Variants in CCDC62 observed in about 807,000 individuals in gnomAD.
CCDC62 encodes coiled-coil domain-containing protein 62.
A neutral mutation model predicts 80.8 loss-of-function variants in CCDC62; 72 were observed. That is an observed-to-expected ratio of 0.89 (90% CI 0.74 to 1.08). CCDC62 has a LOEUF of 1.08. Among genes scored for constraint, CCDC62 ranks in the 50% least tolerant of loss-of-function variants. The pLI is 0.00. For synonymous variants in CCDC62, 286 were observed against 296.5 expected (o/e 0.96, Z 0.36); for missense variants, 704 against 809.4 (o/e 0.87, Z 1.58).
chr12:122,819,923 A>T (rs1344370501), intron 11 of CCDC62, among the ~76,000 whole-genome samples: 2 of 151,774 alleles, frequency 1.3e-5, no homozygotes, highest in African/African-American at 4.8e-5. Flanking sequence ...TTAGCGGGGC[A>T]TGGTGGTGCA....
rs1239552965 is a variant in CCDC62, at chr12:122,787,463, AAAAG to A, written c.499-1292_499-1289del. On this transcript the variant is annotated intron_variant, in intron 4 of 12. Coordinates refer to ENST00000253079, the MANE Select transcript of CCDC62 (RefSeq NM_201435.5). ...AAGACTCTGTCTCAAAAAAAAAAAA[AAAAG>A]AAGGTCGGTCGTGGTGGCTCACACC... Among the ~76,000 whole-genome samples the A allele has an allele frequency of 4.6e-5, 7 of 151,854 alleles. No individual in the cohort carries two copies. The East Asian group carries it at 9.7e-4, about 21-fold the overall frequency.
Position 122,791,358 on chromosome 12 carries a change from C to T in CCDC62, c.671-662C>T, listed in dbSNP as rs1288654978. On this transcript the variant is annotated intron_variant, in intron 5 of 12. Coordinates refer to ENST00000253079, the MANE Select transcript of CCDC62 (RefSeq NM_201435.5). ...TTTACCAGGTTGGCCAGGCTGGTTT[C>T]GAACTCCTGACCTCAGGTGATCCAC... Among the ~76,000 whole-genome samples the T allele has an allele frequency of 4.6e-5, 7 of 151,740 alleles. No individual in the cohort carries two copies. In the East Asian group the frequency reaches 9.7e-4, roughly 21 times the overall value.
chr12:122,778,664 G>A (rs1879632090), intron 2 of CCDC62, among the ~76,000 whole-genome samples: 1 of 152,180 alleles, frequency 6.6e-6, no homozygotes, highest in African/African-American at 2.4e-5. Flanking sequence ...CGGATCACTT[G>A]AGGTCAGGAG....
intron 9 of CCDC62, among the ~76,000 whole-genome samples, chr12:122,802,381 G>A (rs2031362989): frequency 6.6e-6 from 1 of 150,572 alleles, no homozygotes; most frequent in Non-Finnish European, 1.5e-5. Context: ...AGACCAGCAT[G>A]GGCAATATAA....
chr12:122,784,709 C>T (rs939421010), intron 3 of CCDC62, among the ~76,000 whole-genome samples: 1 of 152,064 alleles, frequency 6.6e-6, no homozygotes, highest in Non-Finnish European at 1.5e-5. Flanking sequence ...ATGGTGAGAA[C>T]CTGTAGTCCC....
intron 10 of CCDC62, among the ~76,000 whole-genome samples, chr12:122,811,289 G>A (rs1483056310): frequency 1.5e-4 from 19 of 126,324 alleles, no homozygotes; most frequent in East Asian, 4.9e-4. Flanking sequence ...TCGGCTCACC[G>A]CAACCTCCGC....
intron 11 of CCDC62, among the ~76,000 whole-genome samples, chr12:122,822,295 A>G (rs981444458): frequency 2.6e-5 from 4 of 151,576 alleles, no homozygotes; most frequent in Admixed American, 2.6e-4. Context: ...TAGTAGAGAC[A>G]GGGTTTCACC....
chr12:122,778,422 T>C (rs1879617676), intron 2 of CCDC62, among the ~76,000 whole-genome samples: 1 of 152,102 alleles, frequency 6.6e-6, no homozygotes, highest in Admixed American at 6.6e-5. Flanking sequence ...CACCATATTT[T>C]AATTCTGTCA....
At chr12:122,782,000 T>C (rs2135530850) in intron 3 of CCDC62, among the ~76,000 whole-genome samples, 1 of 143,516 alleles carries the variant, frequency 7.0e-6, no homozygotes, top group Non-Finnish European at 1.5e-5. Context: ...GCTGTGATTG[T>C]GCCACTACAC....
rs115303983 is a variant in CCDC62 at position 122,782,576 on chromosome 12, A to G, written c.396+1246A>G. ...TGGGTTCAAACAATTCTCTTGCCTC[A>G]CTCCCCCGAGTAGCTGGGATTACAG... On this transcript the variant is annotated intron_variant, in intron 3 of 12. Coordinates refer to ENST00000253079, the MANE Select transcript of CCDC62 (RefSeq NM_201435.5). 8.3e-3 allele frequency among the ~76,000 whole-genome samples: 1,250 copies of G among 151,440 alleles called. 22 individuals carry two copies. The highest frequency in any genetic ancestry group is 0.027 in the African/African-American group (1,134 of 41,244).
At chr12:122,815,899 A>G (rs577965894) in intron 11 of CCDC62, among the ~76,000 whole-genome samples, 1 of 152,294 alleles carries the variant, frequency 6.6e-6, no homozygotes, top group South Asian at 2.1e-4. Context: ...TGAGTGTTGA[A>G]TAGAAGCAGG....
chr12:122,811,915 C>G (rs1411247378), intron 10 of CCDC62, among the ~76,000 whole-genome samples: 1 of 150,948 alleles, frequency 6.6e-6, no homozygotes, highest in African/African-American at 2.4e-5. Context: ...AACTTCACAT[C>G]CCAAAGTTGA....
chr12:122,800,476 G>C (rs1331186161), intron 8 of CCDC62, among the ~76,000 whole-genome samples: 1 of 150,796 alleles, frequency 6.6e-6, no homozygotes, highest in Non-Finnish European at 1.5e-5. Flanking sequence ...ACCCAGACTG[G>C]AGTGCCAATG....
intron 2 of CCDC62, among the ~76,000 whole-genome samples, chr12:122,779,621 A>T (rs1331289933): frequency 2.0e-5 from 3 of 152,176 alleles, no homozygotes; most frequent in Non-Finnish European, 2.9e-5. Flanking sequence ...AGATGCATGT[A>T]AAAAGGCCTG....
chr12:122,811,208 TC>T (rs1174555864), intron 10 of CCDC62, among the ~76,000 whole-genome samples: 4 of 112,030 alleles, frequency 3.6e-5, no homozygotes. Context: ...AAATTAAGTT[TC>T]CTTTTTTTTT....
intron 6 of CCDC62, among the ~76,000 whole-genome samples, chr12:122,795,579 ATG>A (rs2135550739): frequency 1.3e-5 from 2 of 152,060 alleles, no homozygotes; most frequent in East Asian, 3.9e-4. Context: ...GCCCGCCACC[ATG>A]CCCAGCTAAT....
chr12:122,808,634 C>T (rs1284792714), intron 10 of CCDC62, among the ~76,000 whole-genome samples: 2 of 152,060 alleles, frequency 1.3e-5, no homozygotes, highest in Non-Finnish European at 2.9e-5. Flanking sequence ...TCAAGTAATC[C>T]TCCCACTGCA....
chr12:122,783,220 CTTCA>C (rs2029976888), intron 3 of CCDC62, among the ~76,000 whole-genome samples: 1 of 150,206 alleles, frequency 6.7e-6, no homozygotes, highest in Admixed American at 6.7e-5. Context: ...TTGTTATATC[CTTCA>C]TTCTTTTTTT....
In CCDC62 at chr12:122,795,509, A is replaced by C. The variant is rs534591185; in HGVS notation, c.773-1798A>C. On this transcript the variant is annotated intron_variant, in intron 6 of 12. Transcript: ENST00000253079. ...TGTGTTCGCGGCTCACTGCAAGCTC[A>C]GCCTCCTGGGTTCATGCCATTCTCC... Among the ~76,000 whole-genome samples, 613 of 150,566 alleles carry C rather than the reference A, an allele frequency of 4.1e-3. 5 individuals are homozygous for C. Among genetic ancestry groups the C allele is most frequent in the Non-Finnish European group, 6.2e-3 (421 of 67,602 alleles).
Sources: gnomAD v4.1 joint callset for allele counts (sites outside exome capture counted in the v4.1 genomes callset) on GRCh38, gnomAD v4.1.1 for gene constraint, MANE v1.5 for transcripts, NCBI Gene and HGNC (gene_info 2026-07-23, HGNC 2026-07-21) for gene names.